SHTN1: variants seen among roughly 807,000 people sequenced by gnomAD.
SHTN1 encodes the protein shootin-1.
Under a neutral mutation model 83.1 loss-of-function variants are expected in SHTN1, and 42 were observed. That is an observed-to-expected ratio of 0.51 (90% CI 0.39 to 0.65). The LOEUF (loss-of-function observed/expected upper bound fraction) is 0.65. Among genes scored for constraint, SHTN1 ranks in the 30% least tolerant of loss-of-function variants. The probability of loss-of-function intolerance (pLI) is 0.00; values close to 1 mark genes in which losing one functional copy is unlikely to be tolerated. For missense variants in SHTN1, 622 were observed against 737.8 expected (o/e 0.84, Z 1.82); for synonymous variants, 224 against 247.7 (o/e 0.90, Z 0.90).
At chr10:117,074,433 TTCA>T (rs1853125860) in intron 1 of SHTN1, among the ~76,000 whole-genome samples, 1 of 152,216 alleles carries the variant, frequency 6.6e-6, no homozygotes, top group Non-Finnish European at 1.5e-5. Context: ...TAATCTATAC[TTCA>T]TGAGACTTCT....
chr10:116,999,576 A>C (rs1851750291), intron 1 of SHTN1, among the ~76,000 whole-genome samples: 1 of 152,224 alleles, frequency 6.6e-6, no homozygotes. Context: ...TTCACTTTAC[A>C]CACTTGTTTT....
chr10:117,040,915 TTTTTC>T (rs1048607091), intron 2 of SHTN1, among the ~76,000 whole-genome samples: 85 of 151,922 alleles, frequency 5.6e-4, no homozygotes, highest in African/African-American at 1.9e-3. Context: ...TACTCAACTC[TTTTTC>T]TTTTATTATA....
At chr10:117,121,235 T>A (rs1013250509) in intron 1 of SHTN1, among the ~76,000 whole-genome samples, 3 of 152,262 alleles carry the variant, frequency 2.0e-5, no homozygotes, top group African/African-American at 7.2e-5. Context: ...TATAATCTCC[T>A]ATAATCTATA....
intron 1 of SHTN1, among the ~76,000 whole-genome samples, chr10:117,089,864 AC>A: frequency 6.6e-6 from 1 of 152,310 alleles, no homozygotes; most frequent in Admixed American, 6.5e-5. Flanking sequence ...ACAATGAAAC[AC>A]CACCTCATAC....
rs949492978 is a variant in SHTN1 at position 116,906,853 on chromosome 10, T to A, written c.1360-106A>T. On this transcript the variant is annotated intron_variant, in intron 14 of 16. Coordinates refer to ENST00000355371, the MANE Select transcript of SHTN1 (RefSeq NM_001127211.3). ...AACATTACCAGAATTTGAATGGAAT[T>A]ATGAAACAAAATGAATTTGCTATAT... 5 of 942,712 alleles carry A rather than the reference T, an allele frequency of 5.3e-6. No homozygotes were observed. In the Admixed American group the frequency reaches 1.7e-4, roughly 31 times the overall value. 58.4% of individuals were successfully genotyped at this position (942,712 alleles called of 1,614,324 possible). A position where few individuals can be genotyped will look rare whatever the true frequency, so the allele number is the denominator to read the frequency against.
At chr10:116,982,538 C>T (rs927583294) in intron 1 of SHTN1, among the ~76,000 whole-genome samples, 15 of 152,100 alleles carry the variant, frequency 9.9e-5, no homozygotes, top group Admixed American at 2.6e-4. Flanking sequence ...GTTACGGGGT[C>T]GCAGAGAAAG....
intron 12 of SHTN1, among the ~76,000 whole-genome samples, chr10:116,916,134 T>A (rs1195141663): frequency 1.3e-5 from 2 of 152,220 alleles, no homozygotes; most frequent in Non-Finnish European, 2.9e-5. Context: ...TAATTCCATT[T>A]GATTTTAAAA....
Position 116,952,045 on chromosome 10 carries a change from T to TA in SHTN1, c.437-40_437-39insT, listed in dbSNP as rs1849797016. The TA allele has an allele frequency of 3.8e-6, 4 of 1,063,178 alleles. No individual in the cohort carries two copies. The Admixed American group carries it at 1.2e-4, about 31-fold the overall frequency. 65.9% of individuals were successfully genotyped at this position (1,063,178 alleles called of 1,614,324 possible). A position where few individuals can be genotyped will look rare whatever the true frequency, so the allele number is the denominator to read the frequency against. On this transcript the variant is annotated intron_variant, in intron 5 of 16. Transcript: ENST00000355371. ...GAAAAAAAATATATAAATAAACTTA[T>TA]TTTTAAAATAAGAAATCAATCTGGT...
intron 1 of SHTN1, among the ~76,000 whole-genome samples, chr10:116,995,137 G>A (rs1851583169): frequency 6.6e-6 from 1 of 152,110 alleles, no homozygotes; most frequent in East Asian, 1.9e-4. Flanking sequence ...TTTAAGTCTT[G>A]TTGTTCACAT....
chr10:117,082,718 T>A (rs1050267854), intron 1 of SHTN1, among the ~76,000 whole-genome samples: 2 of 151,018 alleles, frequency 1.3e-5, no homozygotes, highest in African/African-American at 4.8e-5. Context: ...ATCTGGGTGC[T>A]CCTGTATTGG....
At chr10:117,050,255 A>T (rs2058078849) in intron 1 of SHTN1, among the ~76,000 whole-genome samples, 1 of 152,186 alleles carries the variant, frequency 6.6e-6, no homozygotes, top group African/African-American at 2.4e-5. Flanking sequence ...CTCTAGCAAG[A>T]CTGATAAAGA....
At chr10:116,962,048 C>A (rs563988893) in intron 3 of SHTN1, among the ~76,000 whole-genome samples, 23 of 122,292 alleles carry the variant, frequency 1.9e-4, no homozygotes, top group East Asian at 1.5e-3. Context: ...AGCTCCCCCC[C>A]CCTTCCACAT....
intron 11 of SHTN1, among the ~76,000 whole-genome samples, chr10:116,924,243 G>A (rs531211173): frequency 1.8e-4 from 28 of 152,206 alleles, no homozygotes; most frequent in African/African-American, 5.8e-4. Flanking sequence ...ACTCCATGGC[G>A]GGCTGGGTGT....
intron 4 of SHTN1, among the ~76,000 whole-genome samples, chr10:116,958,082 C>A (rs1040539007): frequency 2.0e-5 from 3 of 151,994 alleles, no homozygotes; most frequent in Non-Finnish European, 4.4e-5. Context: ...AAGAAAATTA[C>A]GAGGTCAAGC....
chr10:117,087,828 C>T (rs1470582332), intron 1 of SHTN1, among the ~76,000 whole-genome samples: 1 of 152,156 alleles, frequency 6.6e-6, no homozygotes, highest in Non-Finnish European at 1.5e-5. Flanking sequence ...CCTAAATATA[C>T]AAAAACTTGA....
intron 15 of SHTN1, among the ~76,000 whole-genome samples, chr10:116,903,243 C>G (rs1847818185): frequency 6.6e-6 from 1 of 152,178 alleles, no homozygotes; most frequent in African/African-American, 2.4e-5. Flanking sequence ...ATCTAAAAGG[C>G]CTTTTCCGGC....
intron 7 of SHTN1, among the ~76,000 whole-genome samples, chr10:116,948,494 C>T (rs893696264): frequency 1.5e-4 from 23 of 152,176 alleles, no homozygotes; most frequent in Admixed American, 1.1e-3. Context: ...TTTCCTTTAT[C>T]CCTTTTTCCA....
intron 1 of SHTN1, among the ~76,000 whole-genome samples, chr10:117,117,971 C>G (rs1564964588): frequency 6.6e-6 from 1 of 152,150 alleles, no homozygotes; most frequent in Non-Finnish European, 1.5e-5. Context: ...TGCTCCAGGG[C>G]ATTGGCCTAG....
rs762408500 is a variant in SHTN1 at position 116,884,301 on chromosome 10, T to G, written c.*2043A>C. The G allele has an allele frequency of 8.8e-6, 4 of 455,828 alleles. No individual in the cohort carries two copies. The highest frequency in any genetic ancestry group is 7.0e-5 in the Admixed American group (3 of 42,558). The allele number at this position is 455,828 out of a possible 1,614,324, so 28.2% of individuals were successfully genotyped here. A position where few individuals can be genotyped will look rare whatever the true frequency, so the allele number is the denominator to read the frequency against. On this transcript the variant is annotated 3_prime_UTR_variant, in exon 17 of 17. Coordinates refer to ENST00000355371, the MANE Select transcript of SHTN1 (RefSeq NM_001127211.3). ...GGGCAAAACCCCCTCAAAACCAAAG[T>G]GAAAAGGGAAAAACTGTAGGCAGAA... is the stretch of plus-strand genomic sequence containing the variant.
Sources: gnomAD v4.1 joint callset for allele counts (sites outside exome capture counted in the v4.1 genomes callset) on GRCh38, gnomAD v4.1.1 for gene constraint, MANE v1.5 for transcripts, NCBI Gene and HGNC (gene_info 2026-07-23, HGNC 2026-07-21) for gene names.